The following SSBP2 variants were observed in gnomAD, a reference collection of about 807,000 sequenced individuals.
SSBP2 encodes the protein single stranded DNA binding protein 2.
In SSBP2, 17 loss-of-function variants were observed where a neutral mutation model predicts 61.8. That is an observed-to-expected ratio of 0.28 (90% confidence interval 0.19 to 0.41). The LOEUF is 0.41. Among genes scored for constraint, SSBP2 ranks in the 10% least tolerant of loss-of-function variants. The probability of loss-of-function intolerance (pLI) is 1.00; values close to 1 mark genes in which losing one functional copy is unlikely to be tolerated. For synonymous variants in SSBP2, 139 were observed against 141.3 expected, an observed-to-expected ratio of 0.98 and a Z score of 0.12; for missense variants, 310 against 458.7, an observed-to-expected ratio of 0.68 and a Z score of 2.96.
At chr5:81,654,553 C>T (rs1239409304) in intron 1 of SSBP2, among the ~76,000 whole-genome samples, 1 of 152,156 alleles carries the variant, frequency 6.6e-6, no homozygotes, top group Non-Finnish European at 1.5e-5. Flanking sequence ...TCCTTTCTTT[C>T]CTCCTTCCTG....
intron 10 of SSBP2, among the ~76,000 whole-genome samples, chr5:81,458,523 A>C (rs1764321569): frequency 6.6e-6 from 1 of 152,220 alleles, no homozygotes; most frequent in African/African-American, 2.4e-5. Context: ...TGCAATGTTT[A>C]ACTCTGAAGT....
intron 1 of SSBP2, among the ~76,000 whole-genome samples, chr5:81,744,898 A>T (rs888712559): frequency 2.0e-5 from 3 of 152,122 alleles, no homozygotes; most frequent in Non-Finnish European, 4.4e-5. Context: ...CACCAACTGA[A>T]GTTTGTCTTT....
intron 3 of SSBP2, chr5:81,616,502 C>T (rs1746050594): frequency 6.7e-6 from 1 of 149,894 alleles, no homozygotes; most frequent in Non-Finnish European, 1.5e-5. Context: ...GATCAAACTG[C>T]AAGGCGGCAG....
rs528238590 is a variant in SSBP2, at chr5:81,715,390, A to T, written c.62+35591T>A. Among the ~76,000 whole-genome samples the T allele has an allele frequency of 2.6e-5, 4 of 152,362 alleles. No homozygotes were observed. The East Asian group carries it at 7.7e-4, about 29-fold the overall frequency. ...TGCTAAGGAAAATAAAGAGTCCAAGATAACAACTATGCCAAAACCAGGTAA... is the reference window on the plus strand; with the variant it reads ...TGCTAAGGAAAATAAAGAGTCCAAGTTAACAACTATGCCAAAACCAGGTAA... On this transcript the variant is annotated intron_variant, in intron 1 of 16. Coordinates refer to ENST00000320672, the MANE Select transcript of SSBP2 (RefSeq NM_012446.5).
chr5:81,626,766 C>T (rs1371446593), intron 3 of SSBP2, among the ~76,000 whole-genome samples: 1 of 152,102 alleles, frequency 6.6e-6, no homozygotes, highest in Non-Finnish European at 1.5e-5. Flanking sequence ...ACTTTTGAGT[C>T]CCATTTATAT....
intron 4 of SSBP2, among the ~76,000 whole-genome samples, chr5:81,606,918 T>C (rs1268080524): frequency 6.6e-6 from 1 of 152,182 alleles, no homozygotes; most frequent in Non-Finnish European, 1.5e-5. Flanking sequence ...TTCACAAGGA[T>C]ATTCCAGGCT....
intron 4 of SSBP2, among the ~76,000 whole-genome samples, chr5:81,597,143 C>G (rs567599991): frequency 6.6e-6 from 1 of 152,034 alleles, no homozygotes; most frequent in African/African-American, 2.4e-5. Flanking sequence ...GAATCTACAA[C>G]AAACTCAAAC....
intron 4 of SSBP2, among the ~76,000 whole-genome samples, chr5:81,519,668 C>CA (rs557202767): frequency 7.0e-4 from 106 of 150,560 alleles, no homozygotes; most frequent in African/African-American, 2.0e-3. Flanking sequence ...CCATGCAGAC[C>CA]AAAAAAAAAG....
chr5:81,591,040 A>G (rs979143567), intron 4 of SSBP2, among the ~76,000 whole-genome samples: 2 of 152,210 alleles, frequency 1.3e-5, no homozygotes, highest in Non-Finnish European at 2.9e-5. Flanking sequence ...AGCATCAAGT[A>G]AAAAATAATG....
At chr5:81,465,279 G>A (rs1764812725) in intron 9 of SSBP2, among the ~76,000 whole-genome samples, 1 of 151,728 alleles carries the variant, frequency 6.6e-6, no homozygotes, top group African/African-American at 2.4e-5. Flanking sequence ...AAGTATCTAG[G>A]GATTAAACTT....
chr5:81,730,251 A>G (rs1196002780), intron 1 of SSBP2, among the ~76,000 whole-genome samples: 1 of 152,094 alleles, frequency 6.6e-6, no homozygotes, highest in African/African-American at 2.4e-5. Context: ...TTGAGATGGA[A>G]TTTCGCTCTG....
At chr5:81,470,345 T>G (rs944972904) in intron 8 of SSBP2, among the ~76,000 whole-genome samples, 1 of 151,912 alleles carries the variant, frequency 6.6e-6, no homozygotes, top group Non-Finnish European at 1.5e-5. Context: ...TAGGTAGTTT[T>G]GTTTTTTTAT....
At chr5:81,690,928 T>C (rs1012992348) in intron 1 of SSBP2, among the ~76,000 whole-genome samples, 15 of 152,190 alleles carry the variant, frequency 9.9e-5, no homozygotes, top group African/African-American at 3.4e-4. Context: ...CTGGGAACTA[T>C]ATAAACACAG....
At chr5:81,448,996 A>G (rs1185979293) in intron 10 of SSBP2, among the ~76,000 whole-genome samples, 171 bp from the exon 11 acceptor site, 1 of 152,202 alleles carries the variant, frequency 6.6e-6, no homozygotes, top group African/African-American at 2.4e-5. Context: ...AATAATAATA[A>G]CTTGGATTTA....
intron 4 of SSBP2, among the ~76,000 whole-genome samples, chr5:81,555,583 G>A (rs1772530283): frequency 6.6e-6 from 1 of 151,886 alleles, no homozygotes; most frequent in Non-Finnish European, 1.5e-5. Flanking sequence ...ATTAGCTTGG[G>A]CTTCTATGTT....
chr5:81,609,606 A>G (rs752234305), intron 4 of SSBP2, among the ~76,000 whole-genome samples: 1 of 152,228 alleles, frequency 6.6e-6, no homozygotes, highest in Non-Finnish European at 1.5e-5. Context: ...GATAGAAGTG[A>G]CAGTGCATCC....
At chr5:81,681,718 T>C (rs779544896) in intron 1 of SSBP2, among the ~76,000 whole-genome samples, 45 of 151,628 alleles carry the variant, frequency 3.0e-4, no homozygotes, top group Non-Finnish European at 5.9e-4. Flanking sequence ...GAGGAAAAAA[T>C]CTGAGCAGAA....
At chr5:81,555,122 ATAAT>A (rs1325662074) in intron 4 of SSBP2, among the ~76,000 whole-genome samples, 6 of 152,144 alleles carry the variant, frequency 3.9e-5, no homozygotes, top group Non-Finnish European at 8.8e-5. Flanking sequence ...GTTTAAAGAA[ATAAT>A]TGTGATTTCT....
rs938398439 is a variant in SSBP2, at chr5:81,463,758, CTT to C, written c.639-2657_639-2656del. 2.0e-4 allele frequency among the ~76,000 whole-genome samples: 19 copies of C among 96,290 alleles called. No homozygotes were observed. In the South Asian group the frequency reaches 2.1e-3, roughly 11 times the overall value. 63.2% of individuals were successfully genotyped at this position (96,290 alleles called of 152,430 possible). The stretch of plus-strand genomic sequence containing the variant: ...CACTATTACCAAAGAGAAAAATCCT[CTT>C]TTTTTTTTTTTTTTTTTTTTTGGTT... On this transcript the variant is annotated intron_variant, in intron 9 of 16. Transcript: ENST00000320672.
Sources: allele counts gnomAD v4.1 joint callset (sites outside exome capture counted in the v4.1 genomes callset), GRCh38; gene constraint gnomAD v4.1.1; transcripts MANE v1.5; gene names NCBI Gene and HGNC (gene_info 2026-07-23, HGNC 2026-07-21).